Variants in WLS observed in about 807,000 individuals in gnomAD.
WLS encodes the protein protein wntless homolog.
WLS carries 23 observed loss-of-function variants against 62.8 expected under a neutral mutation model. The ratio of observed to expected loss-of-function variants is 0.37; its 90% CI spans 0.26 to 0.52. The LOEUF (loss-of-function observed/expected upper bound fraction) is 0.52, where lower values mean the gene tolerates loss of function less well. Ranked by LOEUF, WLS falls within the 20% of genes least tolerant of loss-of-function variation. The pLI is 0.92. For missense variants in WLS, 615 were observed against 697.3 expected, an observed-to-expected ratio of 0.88 and a Z score of 1.33; for synonymous variants, 246 against 244.1, an observed-to-expected ratio of 1.01 and a Z score of -0.07.
In WLS at chr1:68,150,369, A is replaced by C; in HGVS notation, c.804-13T>G. Reference sequence around the variant, plus strand: ...GGCAAAGATGACTCTGATGGTGAGAAAATATCAGGACAGCCACTTTATTCA... The same window carrying C: ...GGCAAAGATGACTCTGATGGTGAGACAATATCAGGACAGCCACTTTATTCA... On this transcript the variant is annotated splice_polypyrimidine_tract_variant and intron_variant, in intron 5 of 11. Transcript: ENST00000262348. The C allele has an allele frequency of 6.2e-7, 1 of 1,613,398 alleles. No homozygotes were observed. The highest frequency in any genetic ancestry group is 8.5e-7 in the Non-Finnish European group (1 of 1,179,594).
Position 68,127,393 on chromosome 1 carries a change from C to T in WLS, c.1517-1058G>A, listed in dbSNP as rs78408500. Among the ~76,000 whole-genome samples the T allele has an allele frequency of 6.0e-3, 915 of 152,206 alleles. 5 individuals are homozygous for T. Among genetic ancestry groups the T allele is most frequent in the Middle Eastern group, 0.02 (6 of 294 alleles). On this transcript the variant is annotated intron_variant, in intron 11 of 11. Coordinates refer to ENST00000262348, the MANE Select transcript of WLS (RefSeq NM_024911.7). ...TGCCCTCAGGATTGTCCTAAGTGTT[C>T]TGAACTCATTATCAGTGGACAGTGT... is the stretch of plus-strand genomic sequence containing the variant.
At chr1:68,186,999 C>G (rs962913034) in intron 2 of WLS, among the ~76,000 whole-genome samples, 1 of 151,692 alleles carries the variant, frequency 6.6e-6, no homozygotes, top group African/African-American at 2.4e-5. Flanking sequence ...ATCACAAGGT[C>G]AGGAGATCGA....
At chr1:68,178,827 G>T (rs1211149388) in intron 2 of WLS, among the ~76,000 whole-genome samples, 1 of 152,124 alleles carries the variant, frequency 6.6e-6, no homozygotes, top group Non-Finnish European at 1.5e-5. Context: ...CAAAATGCTA[G>T]CATGTAGTAC....
At chr1:68,210,936 C>G (rs1649490564) in intron 1 of WLS, among the ~76,000 whole-genome samples, 1 of 152,166 alleles carries the variant, frequency 6.6e-6, no homozygotes. Flanking sequence ...AAGAATCAAG[C>G]AGCTTTCTGC....
rs528320983 is a variant in WLS, at chr1:68,129,249, C to T, written c.1517-2914G>A. Among the ~76,000 whole-genome samples the T allele has an allele frequency of 1.1e-4, 17 of 152,236 alleles. No individual in the cohort carries two copies. The East Asian group carries it at 1.7e-3, about 16-fold the overall frequency. Reference sequence around the variant, plus strand: ...CTCAGGCAGAAGAATGGTTTGAACCCGGAAGGCGGAGGTTGCATTAAGTCA... The same window carrying T: ...CTCAGGCAGAAGAATGGTTTGAACCTGGAAGGCGGAGGTTGCATTAAGTCA... On this transcript the variant is annotated intron_variant, in intron 11 of 11. Transcript: ENST00000262348.
intron 11 of WLS, among the ~76,000 whole-genome samples, chr1:68,107,787 C>G (rs546789257): frequency 1.2e-4 from 18 of 152,238 alleles, no homozygotes; most frequent in African/African-American, 4.3e-4. Context: ...GGAAATGAGA[C>G]ATGTGGATAA....
At chr1:68,207,899 GAGAAGAATT>G (rs1248454067) in intron 1 of WLS, among the ~76,000 whole-genome samples, 32 of 152,256 alleles carry the variant, frequency 2.1e-4, no homozygotes, top group Non-Finnish European at 8.8e-5. Flanking sequence ...GTCAACACAT[GAGAAGAATT>G]AGAATCTGGT....
At chr1:68,136,155 C>T (rs1432746475) in intron 11 of WLS, among the ~76,000 whole-genome samples, 1 of 152,134 alleles carries the variant, frequency 6.6e-6, no homozygotes, top group Non-Finnish European at 1.5e-5. Flanking sequence ...CCCTTGACCC[C>T]CAGCACAGAT....
Position 68,126,322 on chromosome 1 carries a change from G to C in WLS, c.1530C>G (p.Val510=). 1 of 1,614,030 alleles carries C rather than the reference G, an allele frequency of 6.2e-7. No homozygotes were observed. The highest frequency in any genetic ancestry group is 8.5e-7 in the Non-Finnish European group (1 of 1,180,008). The change falls in exon 12 of 12, where the codon GTC becomes GTG. Residue 510 remains valine (V), a synonymous_variant. Transcript: ENST00000262348. The part of the protein sequence containing the change: ...GEDQSNGDLG[V]HSGEELQLTT... ...TGAGCTGGAGTTCTTCCCCACTATG[G>C]ACACCCAGATCGCCTGAAACAGGGT...
At chr1:68,193,231 A>C (rs1352183065) in intron 2 of WLS, among the ~76,000 whole-genome samples, 2 of 151,798 alleles carry the variant, frequency 1.3e-5, no homozygotes, top group African/African-American at 4.8e-5. Flanking sequence ...ATCCCATCTC[A>C]GTCAAAAAGG....
In WLS at chr1:68,228,886, T is replaced by TG. The variant is rs1045121689; in HGVS notation, c.106+3307dup. ...AAAAAAAAAAGCAAGCAAAAAAATG[T>TG]GTTTTTTTTTGTTTTTTTTTTTTTT... On this transcript the variant is annotated intron_variant, in intron 1 of 11. Transcript: ENST00000262348. Among the ~76,000 whole-genome samples the TG allele has an allele frequency of 2.7e-4, 24 of 89,374 alleles. 1 individual carries two copies. The highest frequency in any genetic ancestry group is 1.5e-3 in the South Asian group (4 of 2,590). The allele number at this position is 89,374 out of a possible 152,430, so 58.6% of individuals were successfully genotyped here.
chr1:68,125,722 G>A lies in WLS; in HGVS notation c.*504C>T, dbSNP rs269350. 0.65 allele frequency: 642,914 copies of A among 985,598 alleles called. 211,313 individuals carry two copies. The highest frequency in any genetic ancestry group is 0.68 in the Middle Eastern group (1,295 of 1,916). 61.1% of individuals were successfully genotyped at this position (985,598 alleles called of 1,614,324 possible). A position where few individuals can be genotyped will look rare whatever the true frequency, so the allele number is the denominator to read the frequency against. ...TTGACAACTTAAATATTAACTCAGT[G>A]GGCTACCTGGTGATATAAATAGGAA... On this transcript the variant is annotated 3_prime_UTR_variant, in exon 12 of 12. Transcript: ENST00000262348.
intron 11 of WLS, among the ~76,000 whole-genome samples, chr1:68,130,112 A>C (rs1460682332): frequency 6.6e-6 from 1 of 152,212 alleles, no homozygotes; most frequent in Non-Finnish European, 1.5e-5. Flanking sequence ...GGAATGCCTA[A>C]TGAGGATGAA....
At chr1:68,150,144 C>CA in intron 6 of WLS, 44 bp downstream of exon 6, 1 of 1,598,984 alleles carries the variant, frequency 6.3e-7, no homozygotes, top group Non-Finnish European at 8.5e-7. Context: ...GCAGCCTGCA[C>CA]AGAGCAGCTG....
At chr1:68,107,624 G>A (rs1218711590) in intron 11 of WLS, among the ~76,000 whole-genome samples, 1 of 152,180 alleles carries the variant, frequency 6.6e-6, no homozygotes, top group East Asian at 1.9e-4. Flanking sequence ...CACTCTGAGA[G>A]AGAAGGGGGA....
chr1:68,114,861 T>A (rs112922133), intron 11 of WLS, among the ~76,000 whole-genome samples: 2,502 of 152,194 alleles, frequency 0.016, 36 homozygotes, highest in Non-Finnish European at 0.022. Flanking sequence ...GCCACTTAGG[T>A]GTGAAGCAGC....
chr1:68,152,619 A>C (rs1646842180), intron 5 of WLS, among the ~76,000 whole-genome samples: 1 of 152,222 alleles, frequency 6.6e-6, no homozygotes, highest in Non-Finnish European at 1.5e-5. Flanking sequence ...CAGTTTTAGT[A>C]GAGTGGTGGA....
At chr1:68,166,475 T>G (rs1289487408) in intron 2 of WLS, among the ~76,000 whole-genome samples, 1 of 152,188 alleles carries the variant, frequency 6.6e-6, no homozygotes, top group Non-Finnish European at 1.5e-5. Flanking sequence ...ATATGGCTAG[T>G]AAACAGCAGA....
intron 2 of WLS, among the ~76,000 whole-genome samples, chr1:68,171,626 C>T (rs1219586478): frequency 6.6e-6 from 1 of 152,152 alleles, no homozygotes; most frequent in Non-Finnish European, 1.5e-5. Context: ...CCATCTCATG[C>T]CAGTTAGAAT....
Sources: gnomAD v4.1 joint callset for allele counts (sites outside exome capture counted in the v4.1 genomes callset) on GRCh38, gnomAD v4.1.1 for gene constraint, MANE v1.5 for transcripts, NCBI Gene and HGNC (gene_info 2026-07-23, HGNC 2026-07-21) for gene names.